BMERB1: variants seen among roughly 807,000 people sequenced by gnomAD.
The protein encoded by BMERB1 is bMERB domain containing 1.
A neutral mutation model predicts 23.6 loss-of-function variants in BMERB1; 12 were observed. The observed-to-expected ratio is 0.51, with a 90% CI of 0.33 to 0.82. BMERB1 has a LOEUF of 0.82. Among genes scored for constraint, BMERB1 ranks in the 40% least tolerant of loss-of-function variants. The pLI, the probability that BMERB1 is intolerant of heterozygous loss-of-function variation, is 0.03. For missense variants in BMERB1, 247 were observed against 255.4 expected, an observed-to-expected ratio of 0.97 and a Z score of 0.22; for synonymous variants, 122 against 96.6, an observed-to-expected ratio of 1.26 and a Z score of -1.54.
intron 2 of BMERB1, among the ~76,000 whole-genome samples, chr16:15,566,862 T>C (rs1485206560): frequency 6.6e-6 from 1 of 152,000 alleles, no homozygotes; most frequent in Non-Finnish European, 1.5e-5. Flanking sequence ...GTGTCATATA[T>C]GATATTATAA....
intron 2 of BMERB1, among the ~76,000 whole-genome samples, chr16:15,521,436 C>G (rs1200165722): frequency 3.3e-5 from 5 of 152,196 alleles, no homozygotes; most frequent in African/African-American, 1.2e-4. Flanking sequence ...TAGGCTTGTG[C>G]TAAGCCCTTT....
intron 2 of BMERB1, among the ~76,000 whole-genome samples, chr16:15,519,147 T>C (rs935171388): frequency 1.4e-5 from 2 of 146,148 alleles, no homozygotes; most frequent in African/African-American, 5.1e-5. Context: ...AGAAAAAAAT[T>C]TCAGACCCTA....
intron 2 of BMERB1, among the ~76,000 whole-genome samples, chr16:15,550,301 G>A (rs958208743): frequency 6.6e-5 from 10 of 151,328 alleles, no homozygotes. Context: ...AGGTGGGACT[G>A]AAACCATTCC....
intron 2 of BMERB1, among the ~76,000 whole-genome samples, chr16:15,554,122 C>G (rs1209318327): frequency 2.0e-5 from 3 of 152,100 alleles, no homozygotes; most frequent in Middle Eastern, 3.2e-3. Context: ...CAAGTTGTGC[C>G]CTCCCCTGTA....
At chr16:15,502,726 T>C (rs1012971353) in intron 1 of BMERB1, among the ~76,000 whole-genome samples, 3 of 152,078 alleles carry the variant, frequency 2.0e-5, no homozygotes, top group Non-Finnish European at 4.4e-5. Flanking sequence ...AGACTCTCTT[T>C]TGGGTCAATA....
intron 1 of BMERB1, among the ~76,000 whole-genome samples, chr16:15,443,541 AAAAC>A (rs1012987970): frequency 3.7e-4 from 57 of 152,238 alleles, no homozygotes; most frequent in African/African-American, 6.7e-4. Flanking sequence ...CCTATCTCAA[AAAAC>A]AAACAAACAA....
At chr16:15,487,262 T>C (rs2051376511) in intron 1 of BMERB1, among the ~76,000 whole-genome samples, 1 of 152,352 alleles carries the variant, frequency 6.6e-6, no homozygotes, top group East Asian at 1.9e-4. Context: ...ATAGCAATTC[T>C]TGCCATCTTA....
intron 1 of BMERB1, among the ~76,000 whole-genome samples, chr16:15,449,153 T>C (rs979355677): frequency 1.3e-5 from 2 of 152,206 alleles, no homozygotes; most frequent in African/African-American, 4.8e-5. Context: ...TAGGTGCCTA[T>C]TGACAGTGGA....
Position 15,482,533 on chromosome 16 carries a change from C to A in BMERB1, c.107-32772C>A, listed in dbSNP as rs189228703. On this transcript the variant is annotated intron_variant, in intron 1 of 5. Coordinates refer to ENST00000300006, the MANE Select transcript of BMERB1 (RefSeq NM_033201.3). ...GAGCCTGGTGAGTTGGAGGCAGCAG[C>A]TGGTTACTTTCCATGCAGAGCAGCT... Among the ~76,000 whole-genome samples the A allele has an allele frequency of 1.1e-3, 160 of 152,146 alleles. 1 individual carries two copies. Among genetic ancestry groups the A allele is most frequent in the Non-Finnish European group, 4.6e-4 (31 of 67,994 alleles).
At chr16:15,541,764 G>C (rs1231645837) in intron 2 of BMERB1, among the ~76,000 whole-genome samples, 1 of 151,570 alleles carries the variant, frequency 6.6e-6, no homozygotes, top group African/African-American at 2.4e-5. Flanking sequence ...ACCATGCCTG[G>C]CTAATTTTTT....
chr16:15,566,107 A>G (rs1334214968), intron 2 of BMERB1, among the ~76,000 whole-genome samples: 2 of 152,208 alleles, frequency 1.3e-5, no homozygotes, highest in Non-Finnish European at 2.9e-5. Context: ...ATGAGGGTGT[A>G]ATTAGCACAA....
At chr16:15,528,242 C>T (rs1002686473) in intron 2 of BMERB1, among the ~76,000 whole-genome samples, 4 of 152,124 alleles carry the variant, frequency 2.6e-5, no homozygotes, top group Non-Finnish European at 5.9e-5. Flanking sequence ...TCCAAGATGG[C>T]GCCTTGCTTC....
At chr16:15,496,940 T>C (rs2051479068) in intron 1 of BMERB1, among the ~76,000 whole-genome samples, 1 of 152,164 alleles carries the variant, frequency 6.6e-6, no homozygotes, top group African/African-American at 2.4e-5. Flanking sequence ...AGAGCCAGCC[T>C]TTCACCATTC....
At chr16:15,564,425 A>G (rs536577790) in intron 2 of BMERB1, among the ~76,000 whole-genome samples, 3 of 152,360 alleles carry the variant, frequency 2.0e-5, no homozygotes, top group African/African-American at 7.2e-5. Context: ...TAAATAAGAG[A>G]TAATCACTTC....
At chr16:15,560,282 G>C (rs971210543) in intron 2 of BMERB1, among the ~76,000 whole-genome samples, 1 of 152,204 alleles carries the variant, frequency 6.6e-6, no homozygotes, top group Non-Finnish European at 1.5e-5. Flanking sequence ...AAGGGCCAGG[G>C]CAAAGGCCCC....
intron 1 of BMERB1, among the ~76,000 whole-genome samples, chr16:15,446,434 T>A (rs2050990470): frequency 1.3e-5 from 2 of 152,154 alleles, no homozygotes; most frequent in Admixed American, 1.3e-4. Context: ...ATAACATGCA[T>A]GAAGTTCTTC....
At chr16:15,464,229 C>G (rs1387906070) in intron 1 of BMERB1, among the ~76,000 whole-genome samples, 1 of 151,416 alleles carries the variant, frequency 6.6e-6, no homozygotes, top group African/African-American at 2.4e-5. Context: ...AGGAGAATCA[C>G]CTGAACCTAG....
In BMERB1 at chr16:15,517,911, ATGTG is replaced by A. The variant is rs375060700; in HGVS notation, c.230+2490_230+2493del. On this transcript the variant is annotated intron_variant, in intron 2 of 5. Transcript: ENST00000300006. Reference sequence around the variant, plus strand: ...TGTGTGTGTGGATCTGTGTGTGTGTATGTGTGTGTGAGGATGTGTGTGTGCATGT... The same window carrying A: ...TGTGTGTGTGGATCTGTGTGTGTGTATGTGTGAGGATGTGTGTGTGCATGT... Among the ~76,000 whole-genome samples, 93 of 114,940 alleles carry A rather than the reference ATGTG, an allele frequency of 8.1e-4. 1 individual carries two copies. The highest frequency in any genetic ancestry group is 2.4e-3 in the Admixed American group (27 of 11,258). 75.4% of individuals were successfully genotyped at this position (114,940 alleles called of 152,430 possible).
chr16:15,475,165 G>A (rs183428501), intron 1 of BMERB1, among the ~76,000 whole-genome samples: 139 of 152,204 alleles, frequency 9.1e-4, no homozygotes, highest in Non-Finnish European at 1.7e-3. Context: ...TCCTTACTGC[G>A]CTCTACTGCT....
Sources: allele counts gnomAD v4.1 joint callset (sites outside exome capture counted in the v4.1 genomes callset), GRCh38; gene constraint gnomAD v4.1.1; transcripts MANE v1.5; gene names NCBI Gene and HGNC (gene_info 2026-07-23, HGNC 2026-07-21).